Variants in NDST3 observed in about 807,000 individuals in gnomAD.
The protein encoded by NDST3 is N-deacetylase and N-sulfotransferase 3, also known as bifunctional heparan sulfate N-deacetylase/N-sulfotransferase 3.
NDST3 carries 58 observed loss-of-function variants against 96.1 expected under a neutral mutation model. That is an observed-to-expected ratio of 0.60 (90% CI 0.49 to 0.75). The LOEUF (loss-of-function observed/expected upper bound fraction) is 0.75, where lower values mean the gene tolerates loss of function less well. Among genes scored for constraint, NDST3 ranks in the 30% least tolerant of loss-of-function variants. NDST3 has a pLI of 0.00. For missense variants in NDST3, 788 were observed against 1,034.2 expected (o/e 0.76, Z 3.27); for synonymous variants, 333 against 359.7 (o/e 0.93, Z 0.84).
chr4:118,076,548 G>C (rs1727549791), intron 2 of NDST3, among the ~76,000 whole-genome samples: 1 of 152,082 alleles, frequency 6.6e-6, no homozygotes, highest in South Asian at 2.1e-4. Context: ...ACCAGTCTTT[G>C]AGCTTTGAGA....
Position 118,225,639 on chromosome 4 carries a change from A to C in NDST3, c.1722+966A>C, listed in dbSNP as rs558714540. On this transcript the variant is annotated intron_variant, in intron 7 of 13. Transcript: ENST00000296499. ...AGTTACAGACAGAGCTGATGGTAAA[A>C]CAATAACAATCATCAGAAGTAGAAC... Among the ~76,000 whole-genome samples the C allele has an allele frequency of 3.9e-5, 6 of 152,316 alleles. 1 individual carries two copies. In the South Asian group the frequency reaches 1.2e-3, roughly 32 times the overall value.
intron 2 of NDST3, among the ~76,000 whole-genome samples, chr4:118,080,147 A>G (rs1224070172): frequency 2.0e-5 from 3 of 152,150 alleles, no homozygotes; most frequent in African/African-American, 7.2e-5. Context: ...GATTAAATTA[A>G]TAAACACGTG....
At chr4:118,202,777 T>C (rs768932760) in intron 6 of NDST3, among the ~76,000 whole-genome samples, 10 of 152,182 alleles carry the variant, frequency 6.6e-5, no homozygotes, top group Non-Finnish European at 1.5e-4. Flanking sequence ...AGAGTTTGAC[T>C]TCCTTTCCTA....
At chr4:118,215,086 A>C (rs1739107870) in intron 6 of NDST3, among the ~76,000 whole-genome samples, 1 of 152,118 alleles carries the variant, frequency 6.6e-6, no homozygotes, top group South Asian at 2.1e-4. Flanking sequence ...GCTATGGCAC[A>C]TTCAGATAAA....
intron 6 of NDST3, among the ~76,000 whole-genome samples, chr4:118,184,585 GTCTC>G (rs144222344): frequency 1.7e-5 from 2 of 117,400 alleles, no homozygotes; most frequent in Admixed American, 9.7e-5. Flanking sequence ...GTCTCCCTTT[GTCTC>G]TCTCTCTCTC....
chr4:118,216,238 G>A (rs912205084), intron 6 of NDST3, among the ~76,000 whole-genome samples: 3 of 152,188 alleles, frequency 2.0e-5, no homozygotes, highest in African/African-American at 7.2e-5. Flanking sequence ...GGTAGAAGAA[G>A]TGATCAGAAG....
At chr4:118,170,748 A>T (rs1735890275) in intron 6 of NDST3, among the ~76,000 whole-genome samples, 1 of 152,146 alleles carries the variant, frequency 6.6e-6, no homozygotes. Flanking sequence ...AACAAAGAAA[A>T]AATAAGTGTG....
At chr4:118,066,185 T>C (rs1237432965) in intron 2 of NDST3, among the ~76,000 whole-genome samples, 4 of 16,304 alleles carry the variant, frequency 2.5e-4, no homozygotes, top group Admixed American at 2.0e-3. Flanking sequence ...ATATATTATA[T>C]ATCTTATATA....
intron 7 of NDST3, among the ~76,000 whole-genome samples, chr4:118,226,539 T>C (rs911216144): frequency 6.6e-6 from 1 of 152,106 alleles, no homozygotes; most frequent in African/African-American, 2.4e-5. Context: ...ATACTGAGTG[T>C]ATCATCTTTT....
chr4:118,164,526 G>A (rs950083837), intron 6 of NDST3, among the ~76,000 whole-genome samples: 5 of 152,054 alleles, frequency 3.3e-5, no homozygotes, highest in Admixed American at 3.3e-4. Context: ...ACCTATATAA[G>A]CAAATACTGA....
chr4:118,063,232 C>T (rs1029579884), intron 2 of NDST3, among the ~76,000 whole-genome samples: 5 of 150,734 alleles, frequency 3.3e-5, no homozygotes, highest in East Asian at 1.9e-4. Context: ...ATCCAACCCA[C>T]GCATGATACA....
At chr4:118,041,915 TTAA>T (rs1724494393) in intron 1 of NDST3, among the ~76,000 whole-genome samples, 2 of 152,098 alleles carry the variant, frequency 1.3e-5, no homozygotes, top group Admixed American at 1.3e-4. Flanking sequence ...AATAATATTG[TTAA>T]TAATATTTCA....
At chr4:118,184,333 T>C (rs1241930020) in intron 6 of NDST3, among the ~76,000 whole-genome samples, 1 of 152,098 alleles carries the variant, frequency 6.6e-6, no homozygotes, top group Non-Finnish European at 1.5e-5. Flanking sequence ...ATCAGTAGCC[T>C]ATGAGTAAAG....
intron 1 of NDST3, among the ~76,000 whole-genome samples, chr4:118,038,536 C>T (rs1724273833): frequency 6.6e-6 from 1 of 152,160 alleles, no homozygotes; most frequent in African/African-American, 2.4e-5. Flanking sequence ...TGTAAATCAG[C>T]TTCTTACTTG....
chr4:118,077,371 T>C (rs1385217682), intron 2 of NDST3, among the ~76,000 whole-genome samples: 3 of 152,060 alleles, frequency 2.0e-5, no homozygotes, highest in Non-Finnish European at 4.4e-5. Flanking sequence ...ACTGGCAAAA[T>C]ATTTTGGTGT....
chr4:118,120,317 G>A (rs1174970321), intron 4 of NDST3, among the ~76,000 whole-genome samples: 6 of 152,108 alleles, frequency 3.9e-5, no homozygotes, highest in African/African-American at 1.2e-4. Flanking sequence ...CACCAGGGTC[G>A]CTCAGGAGGC....
chr4:118,231,851 A>C (rs1740315271), intron 8 of NDST3, among the ~76,000 whole-genome samples: 1 of 152,206 alleles, frequency 6.6e-6, no homozygotes, highest in Admixed American at 6.5e-5. Context: ...TACCAATCTG[A>C]CTAAGCTACA....
chr4:118,141,819 T>G (rs1733594568), intron 5 of NDST3, among the ~76,000 whole-genome samples: 1 of 152,046 alleles, frequency 6.6e-6, no homozygotes, highest in Non-Finnish European at 1.5e-5. Flanking sequence ...ATCTTTCTGT[T>G]CTCTCACATG....
intron 1 of NDST3, among the ~76,000 whole-genome samples, chr4:118,052,237 A>T (rs181221163): frequency 6.6e-6 from 1 of 152,192 alleles, no homozygotes; most frequent in East Asian, 1.9e-4. Context: ...TTGTAGTAAC[A>T]TGGATGTAAC....
Sources: allele counts gnomAD v4.1 joint callset (sites outside exome capture counted in the v4.1 genomes callset), GRCh38; gene constraint gnomAD v4.1.1; transcripts MANE v1.5; gene names NCBI Gene and HGNC (gene_info 2026-07-23, HGNC 2026-07-21).